The following DHX9 variants were observed in gnomAD, a reference collection of about 807,000 sequenced individuals.
DHX9 encodes the protein DExH-box helicase 9, also known as ATP-dependent RNA helicase A.
Under a neutral mutation model 148.7 loss-of-function variants are expected in DHX9, and 27 were observed. That is an observed-to-expected ratio of 0.18 (90% CI 0.13 to 0.25). The LOEUF (loss-of-function observed/expected upper bound fraction) is 0.25. Among genes scored for constraint, DHX9 ranks in the 10% least tolerant of loss-of-function variants. DHX9 has a pLI of 1.00. For synonymous variants in DHX9, 529 were observed against 516.6 expected, an observed-to-expected ratio of 1.02 and a Z score of -0.33; for missense variants, 796 against 1,559.6, an observed-to-expected ratio of 0.51 and a Z score of 8.25.
At chr1:182,885,664 C>T (rs927228592) in intron 27 of DHX9, among the ~76,000 whole-genome samples, 5 of 152,072 alleles carry the variant, frequency 3.3e-5, no homozygotes, top group African/African-American at 1.2e-4. Context: ...AGATTGTTAT[C>T]CTCATCCTCT....
intron 3 of DHX9, among the ~76,000 whole-genome samples, chr1:182,848,798 T>G (rs73063082): frequency 0.078 from 11,837 of 152,088 alleles, 1,223 homozygotes; most frequent in African/African-American, 0.24. Context: ...GAGGCCTCAG[T>G]AAACTTAGAA....
In DHX9 at chr1:182,860,142, C is replaced by G. The variant is rs374028830; in HGVS notation, c.1290C>G (p.Ile430Met). 1.2e-6 allele frequency: 2 copies of G among 1,612,878 alleles called. No homozygotes were observed. Among genetic ancestry groups the G allele is most frequent in the Non-Finnish European group, 1.7e-6 (2 of 1,179,658 alleles). ...QVPQFILDDF[I>M]QNDRAAECNI... ...CCCAGTTCATTCTAGATGACTTTAT[C>G]CAGAATGACCGAGCAGCAGAGTGTA... Residue 430 changes from isoleucine (I) to methionine (M), a missense_variant, in exon 12 of 28, where the codon ATC (isoleucine) becomes ATG (methionine). By Grantham distance (10) the Ile-to-Met change is conservative. This residue lies in a region of DHX9 where 58 missense variants were observed against 122.8 expected (regional missense o/e 0.47). Transcript: ENST00000367549.
In DHX9 at chr1:182,863,722, G is replaced by C. The variant is rs139185852; in HGVS notation, c.1333-2722G>C. Among the ~76,000 whole-genome samples the C allele has an allele frequency of 1.4e-4, 21 of 152,254 alleles. 1 individual carries two copies. The East Asian group carries it at 4.0e-3, about 29-fold the overall frequency. On this transcript the variant is annotated intron_variant, in intron 12 of 27. Coordinates refer to ENST00000367549, the MANE Select transcript of DHX9 (RefSeq NM_001357.5). The stretch of plus-strand genomic sequence containing the variant: ...AATAGTCATTGATACGCTCACGTTA[G>C]GCATTGTTTTCCCACACAAAATGCC...
chr1:182,877,812 G>A (rs1000160347), intron 19 of DHX9: 2 of 559,754 alleles, frequency 3.6e-6, no homozygotes, highest in Admixed American at 3.4e-5. Context: ...GCTGATAAGT[G>A]GCAAGTGGAT....
At chr1:182,849,213 T>A (rs979714969) in intron 3 of DHX9, among the ~76,000 whole-genome samples, 2 of 152,136 alleles carry the variant, frequency 1.3e-5, no homozygotes, top group African/African-American at 4.8e-5. Context: ...ATTTTAAAAT[T>A]TTTTTTGCTG....
chr1:182,881,559 C>G lies in DHX9; in HGVS notation c.2826C>G (p.His942Gln), dbSNP rs1190906432. 1 of 1,612,860 alleles carries G rather than the reference C, an allele frequency of 6.2e-7. No individual in the cohort carries two copies. The highest frequency in any genetic ancestry group is 8.5e-7 in the Non-Finnish European group (1 of 1,179,738). The change falls in exon 24 of 28, where the codon CAC becomes CAG. Residue 942 changes from histidine to glutamine, a missense_variant. Transcript: ENST00000367549. Reference sequence around the variant, plus strand: ...AAGCAGAGATACGTTTTTGTGAGCACAAAAGACTTAATATGGCTACACTAA... The same window carrying G: ...AAGCAGAGATACGTTTTTGTGAGCAGAAAAGACTTAATATGGCTACACTAA... ...GEEAEIRFCE[H>Q]KRLNMATLRM...
rs79600731 is a variant in DHX9, at chr1:182,886,722, A to G, written c.3462-361A>G. Among the ~76,000 whole-genome samples the G allele has an allele frequency of 7.2e-3, 1,092 of 152,360 alleles. 16 individuals are homozygous for G. Among genetic ancestry groups the G allele is most frequent in the Admixed American group, 0.042 (648 of 15,304 alleles). On this transcript the variant is annotated intron_variant, in intron 27 of 27. Transcript: ENST00000367549. ...CAAAATCATATTTCAGAATTATTGCAGGAAAACATCTGGTGATAAAGACCA... is the reference window on the plus strand; with the variant it reads ...CAAAATCATATTTCAGAATTATTGCGGGAAAACATCTGGTGATAAAGACCA...
chr1:182,872,583 ATACTT>A (rs1426609136), intron 15 of DHX9, 90 bp downstream of exon 15: 1 of 1,335,562 alleles, frequency 7.5e-7, no homozygotes, highest in African/African-American at 1.5e-5. Context: ...AATTTAAAGA[ATACTT>A]AAAATACAGG....
intron 24 of DHX9, 71 bp downstream of exon 24, chr1:182,881,718 G>A: frequency 6.8e-7 from 1 of 1,468,642 alleles, no homozygotes; most frequent in South Asian, 1.4e-5. Flanking sequence ...TGACAGCAAA[G>A]TGTATTTTAG....
At chr1:182,865,534 A>G (rs1482687978) in intron 12 of DHX9, among the ~76,000 whole-genome samples, 2 of 152,240 alleles carry the variant, frequency 1.3e-5, no homozygotes, top group African/African-American at 4.8e-5. Context: ...TTGTTTAGTA[A>G]AAAGAAGATA....
intron 12 of DHX9, among the ~76,000 whole-genome samples, chr1:182,866,243 T>C (rs896521492): frequency 1.3e-5 from 2 of 152,202 alleles, no homozygotes; most frequent in Non-Finnish European, 2.9e-5. Context: ...TGACAAATTA[T>C]AGAATCATTT....
At chr1:182,842,341 C>A (rs1571293094) in intron 1 of DHX9, among the ~76,000 whole-genome samples, 1 of 152,124 alleles carries the variant, frequency 6.6e-6, no homozygotes, top group African/African-American at 2.4e-5. Flanking sequence ...ATGTACTTTT[C>A]ATGAAGTTCA....
chr1:182,870,084 CAAAA>C (rs757695373), intron 14 of DHX9, among the ~76,000 whole-genome samples: 12 of 151,632 alleles, frequency 7.9e-5, no homozygotes, highest in East Asian at 7.7e-4. Flanking sequence ...ACTAGAAAAA[CAAAA>C]AAAGATACCA....
At chr1:182,871,037 C>T (rs1170460750) in intron 14 of DHX9, among the ~76,000 whole-genome samples, 2 of 152,234 alleles carry the variant, frequency 1.3e-5, no homozygotes, top group African/African-American at 4.8e-5. Context: ...ACATGAAATG[C>T]ACTAACCTTG....
intron 26 of DHX9, among the ~76,000 whole-genome samples, chr1:182,883,847 C>CT (rs1649200424): frequency 1.0e-5 from 1 of 96,062 alleles, no homozygotes; most frequent in Non-Finnish European, 1.8e-5. Flanking sequence ...GAATCAGAAT[C>CT]TAAGTGAAGC....
intron 27 of DHX9, among the ~76,000 whole-genome samples, chr1:182,886,143 G>A (rs1025131777): frequency 6.6e-6 from 1 of 151,224 alleles, no homozygotes; most frequent in African/African-American, 2.4e-5. Flanking sequence ...AAAGAAGGAA[G>A]ACAGATTACA....
chr1:182,866,288 G>C (rs1023917872), intron 12 of DHX9, among the ~76,000 whole-genome samples, 156 bp from the exon 13 acceptor site: 1 of 152,170 alleles, frequency 6.6e-6, no homozygotes, highest in African/African-American at 2.4e-5. Flanking sequence ...TTAAGTGTCT[G>C]CCGTAGAACC....
chr1:182,887,201 T>C lies in DHX9; in HGVS notation c.3580T>C (p.Tyr1194His). The change falls in exon 28 of 28, where the codon TAT becomes CAT. Residue 1194 changes from tyrosine (Y) to histidine (H), a missense_variant. Physicochemically the swap from Tyr to His is moderately conservative, Grantham distance 83 (BLOSUM62 2). Around this residue, in one of 14 missense-constraint regions of DHX9, gnomAD observed 98 missense variants for 105.5 expected, o/e 0.93. Coordinates refer to ENST00000367549, the MANE Select transcript of DHX9 (RefSeq NM_001357.5). Reference protein sequence around the residue: ...GYGGGYSSGGYGSGGYGGSAN... With the variant: ...GYGGGYSSGGHGSGGYGGSAN... ...TGGCGGTGGCTATAGCAGTGGAGGCTATGGTAGCGGAGGCTATGGTGGCAG... is the reference window on the plus strand; with the variant it reads ...TGGCGGTGGCTATAGCAGTGGAGGCCATGGTAGCGGAGGCTATGGTGGCAG... 3 of 1,607,758 alleles carry C rather than the reference T, an allele frequency of 1.9e-6. No homozygotes were observed. The highest frequency in any genetic ancestry group is 2.6e-6 in the Non-Finnish European group (3 of 1,174,380).
chr1:182,882,720 C>T (rs566145512), intron 24 of DHX9, among the ~76,000 whole-genome samples: 8 of 152,092 alleles, frequency 5.3e-5, no homozygotes, highest in Non-Finnish European at 1.0e-4. Flanking sequence ...AAAAAATTAG[C>T]CGGGCGTGGT....
Sources: gnomAD v4.1 joint callset for allele counts (sites outside exome capture counted in the v4.1 genomes callset) on GRCh38, gnomAD v4.1.1 for gene constraint, gnomAD v4.1.1 regional missense constraint, MANE v1.5 for transcripts, NCBI Gene and HGNC (gene_info 2026-07-23, HGNC 2026-07-21) for gene names.